AGAP1: variants seen among roughly 807,000 people sequenced by gnomAD.
AGAP1 encodes the protein ArfGAP with GTPase domain, ankyrin repeat and PH domain 1.
A neutral mutation model predicts 105.3 loss-of-function variants in AGAP1; 29 were observed. The observed-to-expected ratio is 0.28, with a 90% confidence interval of 0.21 to 0.38. The LOEUF is 0.38. Ranked by LOEUF, AGAP1 falls within the 10% of genes least tolerant of loss-of-function variation. The pLI, the probability that AGAP1 is intolerant of heterozygous loss-of-function variation, is 1.00. For synonymous variants in AGAP1, 509 were observed against 485.9 expected, an observed-to-expected ratio of 1.05 and a Z score of -0.63; for missense variants, 998 against 1,165.1, an observed-to-expected ratio of 0.86 and a Z score of 2.09.
rs1446196686 is a variant in AGAP1, at chr2:236,020,599, C to T, written c.1646-15962C>T. On this transcript the variant is annotated intron_variant, in intron 13 of 17. Transcript: ENST00000304032. The surrounding 1 kb of genome is among the most constrained non-coding windows in gnomAD (Gnocchi z 5.0). The stretch of plus-strand genomic sequence containing the variant: ...GTCCTTCCTCTCTGTTCTTTTCTTC[C>T]TCGCATGCAGACAATAAAACCTACC... 6.6e-6 allele frequency among the ~76,000 whole-genome samples: 1 copy of T among 152,124 alleles called. No individual in the cohort carries two copies. The highest frequency in any genetic ancestry group is 2.4e-5 in the African/African-American group (1 of 41,422).
intron 9 of AGAP1, among the ~76,000 whole-genome samples, chr2:235,818,013 TAAC>T (rs1174710433): frequency 6.6e-6 from 1 of 152,258 alleles, no homozygotes; most frequent in African/African-American, 2.4e-5. Context: ...AAAATACTAT[TAAC>T]ATCTTAGGGC....
chr2:236,049,208 G>A lies in AGAP1; in HGVS notation c.2041G>A (p.Gly681Arg), dbSNP rs2057820645. The A allele has an allele frequency of 1.9e-6, 3 of 1,614,066 alleles. No homozygotes were observed. The highest frequency in any genetic ancestry group is 1.7e-5 in the Admixed American group (1 of 59,992). The change falls in exon 16 of 18, where the codon GGG (glycine) becomes AGG (arginine). Residue 681 changes from glycine to arginine, a missense_variant. Gly to Arg is a moderately radical substitution (Grantham distance 125). Around this residue, in one of 3 missense-constraint regions of AGAP1, gnomAD observed 235 missense variants for 270.7 expected, o/e 0.87. Transcript: ENST00000304032. ...GCTCATCAAGGTGATGTCATCCATC[G>A]GGAACGAGCTAGCCAACAGCGTCTG... ...VELIKVMSSI[G>R]NELANSVWEE... is the part of the protein sequence containing the mutation.
rs985578106 is a variant in AGAP1, at chr2:235,989,815, G to T, written c.1645+21192G>T. Among the ~76,000 whole-genome samples, 1 of 152,164 alleles carries T rather than the reference G, an allele frequency of 6.6e-6. No homozygotes were observed. The highest frequency in any genetic ancestry group is 1.5e-5 in the Non-Finnish European group (1 of 68,032). On this transcript the variant is annotated intron_variant, in intron 13 of 17. Coordinates refer to ENST00000304032, the MANE Select transcript of AGAP1 (RefSeq NM_001037131.3). This position sits in a 1 kb window ranked among gnomAD's most constrained non-coding sequence, Gnocchi z 4.4. Reference sequence around the variant, plus strand: ...ATGGAGTGGAACGGTCACAGCAGCAGCTCACAGGGAGGGACAGCCTCGGAA... The same window carrying T: ...ATGGAGTGGAACGGTCACAGCAGCATCTCACAGGGAGGGACAGCCTCGGAA...
At chr2:235,996,906 A>T (rs1378758130) in intron 13 of AGAP1, among the ~76,000 whole-genome samples, 1 of 152,222 alleles carries the variant, frequency 6.6e-6, no homozygotes, top group Non-Finnish European at 1.5e-5. Flanking sequence ...ACTCAAGTCT[A>T]ATTTATCAGA....
intron 16 of AGAP1, among the ~76,000 whole-genome samples, chr2:236,110,320 C>G (rs4641889): frequency 0.14 from 21,260 of 151,782 alleles, 4,913 homozygotes; most frequent in African/African-American, 0.48. Context: ...AACTGGTGAA[C>G]CCACTGCACT....
At chr2:236,068,042 C>G (rs1367623345) in intron 16 of AGAP1, among the ~76,000 whole-genome samples, 1 of 152,150 alleles carries the variant, frequency 6.6e-6, no homozygotes, top group Non-Finnish European at 1.5e-5. Context: ...GAAGCCAAGG[C>G]AGGCAGATTG....
chr2:235,546,522 T>C (rs192707171), intron 1 of AGAP1, among the ~76,000 whole-genome samples: 1 of 152,324 alleles, frequency 6.6e-6, no homozygotes, highest in Non-Finnish European at 1.5e-5. Context: ...CACAGATCTC[T>C]GCTGGGAAGC....
At chr2:235,520,986 A>G (rs1942591137) in intron 1 of AGAP1, among the ~76,000 whole-genome samples, 1 of 152,196 alleles carries the variant, frequency 6.6e-6, no homozygotes, top group Non-Finnish European at 1.5e-5. Context: ...CACAGGAAAG[A>G]TAAAGATGGA....
In AGAP1 at chr2:236,014,060, C is replaced by T. The variant is rs1295412348; in HGVS notation, c.1646-22501C>T. Reference sequence around the variant, plus strand: ...CACAGCCTGAGTGGTGGGCCTGCTGCGCCCTTGTTAAATTGGTTCTCTTCC... The same window carrying T: ...CACAGCCTGAGTGGTGGGCCTGCTGTGCCCTTGTTAAATTGGTTCTCTTCC... On this transcript the variant is annotated intron_variant, in intron 13 of 17. Transcript: ENST00000304032. This position sits in a 1 kb window ranked among gnomAD's most constrained non-coding sequence, Gnocchi z 6.3. 1.3e-5 allele frequency among the ~76,000 whole-genome samples: 2 copies of T among 152,114 alleles called. No individual in the cohort carries two copies. Among genetic ancestry groups the T allele is most frequent in the African/African-American group, 2.4e-5 (1 of 41,420 alleles).
rs1165380625 is a variant in AGAP1 at position 235,789,954 on chromosome 2, A to G, written c.674-7805A>G. ...ACCTTCCTTGTTAGTATTTGTTCTG[A>G]TTGGAAAATTACTCTGATGGTTTAG... On this transcript the variant is annotated intron_variant, in intron 6 of 17. Coordinates refer to ENST00000304032, the MANE Select transcript of AGAP1 (RefSeq NM_001037131.3). This position sits in a 1 kb window ranked among gnomAD's most constrained non-coding sequence, Gnocchi z 4.2. 6.6e-6 allele frequency among the ~76,000 whole-genome samples: 1 copy of G among 152,196 alleles called. No individual in the cohort carries two copies. Among genetic ancestry groups the G allele is most frequent in the Non-Finnish European group, 1.5e-5 (1 of 68,028 alleles).
rs575608092 is a variant in AGAP1 at position 235,586,642 on chromosome 2, C to G, written c.163+91793C>G. ...CACACTGTCCTGGGCCTTGGTTTTG[C>G]AGCATTTCCAACTTGGGTTGTCAGA... On this transcript the variant is annotated intron_variant, in intron 1 of 17. Coordinates refer to ENST00000304032, the MANE Select transcript of AGAP1 (RefSeq NM_001037131.3). The surrounding 1 kb of genome is among the most constrained non-coding windows in gnomAD (Gnocchi z 4.2). 9.2e-5 allele frequency among the ~76,000 whole-genome samples: 14 copies of G among 152,308 alleles called. No homozygotes were observed. The highest frequency in any genetic ancestry group is 2.9e-4 in the African/African-American group (12 of 41,564).
At position 235,832,109 on chromosome 2, in the gene AGAP1, T is replaced by G. The variant is rs140456880; in HGVS notation, c.1050+24778T>G. 9.2e-5 allele frequency among the ~76,000 whole-genome samples: 14 copies of G among 152,356 alleles called. No individual in the cohort carries two copies. In the East Asian group the frequency reaches 2.7e-3, roughly 29 times the overall value. On this transcript the variant is annotated intron_variant, in intron 9 of 17. Transcript: ENST00000304032. ...GTTTATTTGCCATCTGTAGGTCGTC[T>G]TTGGTGAGGTTTCTGTTCAGATCTT...
chr2:236,091,529 G>A lies in AGAP1; in HGVS notation c.2115-28663G>A, dbSNP rs535956446. On this transcript the variant is annotated intron_variant, in intron 16 of 17. Transcript: ENST00000304032. ...CTCACTCCTGTAATCCCAGCACTTT[G>A]GGAGGCTGAGGCAGGCAGATAGCTT... Among the ~76,000 whole-genome samples, 5 of 152,340 alleles carry A rather than the reference G, an allele frequency of 3.3e-5. No homozygotes were observed. In the East Asian group the frequency reaches 7.7e-4, roughly 24 times the overall value.
chr2:235,531,892 G>A (rs1023482537), intron 1 of AGAP1, among the ~76,000 whole-genome samples: 1 of 152,084 alleles, frequency 6.6e-6, no homozygotes, highest in African/African-American at 2.4e-5. Flanking sequence ...GATTACAGAC[G>A]TGAACCCCTG....
rs561156890 is a variant in AGAP1 at position 236,009,572 on chromosome 2, A to T, written c.1646-26989A>T. On this transcript the variant is annotated intron_variant, in intron 13 of 17. Coordinates refer to ENST00000304032, the MANE Select transcript of AGAP1 (RefSeq NM_001037131.3). The surrounding 1 kb of genome is among the most constrained non-coding windows in gnomAD (Gnocchi z 4.2). ...AAGGTGATCATTTGACTTTTCTTAGAGGTACAAATTTACGCTCCCTTCTAT... is the reference window on the plus strand; with the variant it reads ...AAGGTGATCATTTGACTTTTCTTAGTGGTACAAATTTACGCTCCCTTCTAT... Among the ~76,000 whole-genome samples, 91 of 152,332 alleles carry T rather than the reference A, an allele frequency of 6.0e-4. No homozygotes were observed. The highest frequency in any genetic ancestry group is 2.2e-3 in the African/African-American group (90 of 41,576).
intron 1 of AGAP1, among the ~76,000 whole-genome samples, chr2:235,688,859 G>C (rs771899415): frequency 1.3e-5 from 2 of 152,166 alleles, no homozygotes; most frequent in Non-Finnish European, 2.9e-5. Context: ...AGTGCTGTTT[G>C]AGGGCCAGAA....
rs969698354 is a variant in AGAP1, at chr2:235,714,854, A to T, written c.223-2703A>T. On this transcript the variant is annotated intron_variant, in intron 2 of 17. Transcript: ENST00000304032. The surrounding 1 kb of genome is among the most constrained non-coding windows in gnomAD (Gnocchi z 4.1). ...CGCTCTGTCACCCAGGCTGGAGTCC[A>T]GTGGTGTATCTCGGCTCACTGCAAC... Among the ~76,000 whole-genome samples the T allele has an allele frequency of 6.6e-5, 10 of 152,070 alleles. No individual in the cohort carries two copies. The highest frequency in any genetic ancestry group is 2.4e-4 in the African/African-American group (10 of 41,396).
intron 1 of AGAP1, among the ~76,000 whole-genome samples, chr2:235,652,224 G>A (rs1233520096): frequency 6.6e-6 from 1 of 152,082 alleles, no homozygotes; most frequent in Non-Finnish European, 1.5e-5. Context: ...GTCCCTCTGG[G>A]AGCAGCCCAC....
chr2:235,950,158 G>T (rs573526793), intron 12 of AGAP1, among the ~76,000 whole-genome samples: 5 of 152,274 alleles, frequency 3.3e-5, no homozygotes, highest in Admixed American at 3.3e-4. Context: ...TAAAAGTCTA[G>T]CCTGGGTTAC....
Sources: gnomAD v4.1 joint callset for allele counts (sites outside exome capture counted in the v4.1 genomes callset) on GRCh38, gnomAD v4.1.1 for gene constraint, gnomAD v4.1.1 regional missense constraint, Gnocchi (gnomAD v3.1) non-coding constraint, MANE v1.5 for transcripts, NCBI Gene and HGNC (gene_info 2026-07-23, HGNC 2026-07-21) for gene names.